The following CHST8 variants were observed in gnomAD, a reference collection of about 807,000 sequenced individuals.
CHST8 encodes the protein GALNAC-4-ST1.
Under a neutral mutation model 15.0 loss-of-function variants are expected in CHST8, and 10 were observed. That is an observed-to-expected ratio of 0.67 (90% confidence interval 0.41 to 1.13). The LOEUF (loss-of-function observed/expected upper bound fraction) is 1.13, where lower values mean the gene tolerates loss of function less well. CHST8 is among the 50% of genes most tolerant of loss of function. The probability of loss-of-function intolerance (pLI) is 0.00; values close to 1 mark genes in which losing one functional copy is unlikely to be tolerated. For missense variants in CHST8, 634 were observed against 608.2 expected (o/e 1.04, Z -0.45); for synonymous variants, 259 against 256.6 (o/e 1.01, Z -0.09).
chr19:33,734,756 A>C (rs1416786146), intron 3 of CHST8, among the ~76,000 whole-genome samples: 1 of 152,106 alleles, frequency 6.6e-6, no homozygotes, highest in East Asian at 1.9e-4. Flanking sequence ...GCCCACTCCC[A>C]CTGGGCCCAG....
chr19:33,645,153 G>C (rs1379744453), intron 1 of CHST8, among the ~76,000 whole-genome samples: 6 of 152,142 alleles, frequency 3.9e-5, no homozygotes, highest in African/African-American at 1.4e-4. Flanking sequence ...GTGAAGATGA[G>C]TGTGGGCAGA....
At position 33,689,192 on chromosome 19, in the gene CHST8, C is replaced by T. The variant is rs148849357; in HGVS notation, c.-70C>T. 860 of 1,457,252 alleles carry T rather than the reference C, an allele frequency of 5.9e-4. 1 individual carries two copies. The highest frequency in any genetic ancestry group is 2.8e-3 in the African/African-American group (190 of 69,020). The allele number at this position is 1,457,252 out of a possible 1,614,324, so 90.3% of individuals were successfully genotyped here. On this transcript the variant is annotated 5_prime_UTR_variant, in exon 3 of 5. The change creates a new upstream start codon in the 5' untranslated region. Coordinates refer to ENST00000650847, the MANE Select transcript of CHST8 (RefSeq NM_001127895.2). ...GCCCCGTAGATCTCGGCCTGATGGA[C>T]GCCTGGTGTGGACGATGAGGGAAGA...
At chr19:33,667,186 C>T (rs1480428054) in intron 1 of CHST8, among the ~76,000 whole-genome samples, 3 of 152,182 alleles carry the variant, frequency 2.0e-5, no homozygotes, top group African/African-American at 7.2e-5. Context: ...TCCCCTTTGC[C>T]TGTGTGCTGG....
chr19:33,733,180 A>G (rs1974024009), intron 3 of CHST8, among the ~76,000 whole-genome samples: 1 of 151,738 alleles, frequency 6.6e-6, no homozygotes, highest in East Asian at 1.9e-4. Flanking sequence ...GGAAATTCCA[A>G]GGGTTTTTGA....
intron 3 of CHST8, among the ~76,000 whole-genome samples, chr19:33,710,152 A>G (rs970974491): frequency 6.6e-6 from 1 of 152,138 alleles, no homozygotes; most frequent in African/African-American, 2.4e-5. Context: ...AACAGTGTTC[A>G]TAGTATTCTC....
chr19:33,663,127 G>A (rs560698670), intron 1 of CHST8, among the ~76,000 whole-genome samples: 14 of 152,166 alleles, frequency 9.2e-5, no homozygotes, highest in South Asian at 8.3e-4. Context: ...GGAGCCTGCC[G>A]TCCATCCACT....
chr19:33,718,583 AT>A (rs750891040), intron 3 of CHST8, among the ~76,000 whole-genome samples: 1 of 152,104 alleles, frequency 6.6e-6, no homozygotes. Flanking sequence ...TCATGTTGCA[AT>A]CTGGCATCTG....
chr19:33,740,451 G>T (rs1974164224), intron 3 of CHST8, among the ~76,000 whole-genome samples: 1 of 152,238 alleles, frequency 6.6e-6, no homozygotes. Flanking sequence ...TGCAAGGAGG[G>T]ATCTGGGACA....
intron 3 of CHST8, among the ~76,000 whole-genome samples, chr19:33,736,859 C>T (rs1230138231): frequency 6.6e-6 from 1 of 152,086 alleles, no homozygotes; most frequent in African/African-American, 2.4e-5. Flanking sequence ...AGGAGTTCAG[C>T]AGGACTAGTT....
At chr19:33,751,656 A>G (rs1974423660) in intron 3 of CHST8, among the ~76,000 whole-genome samples, 1 of 152,206 alleles carries the variant, frequency 6.6e-6, no homozygotes, top group Non-Finnish European at 1.5e-5. Flanking sequence ...GAGAGTGGTT[A>G]CAGCAAGGAC....
At chr19:33,726,282 T>C (rs889716158) in intron 3 of CHST8, among the ~76,000 whole-genome samples, 4 of 152,194 alleles carry the variant, frequency 2.6e-5, no homozygotes, top group Admixed American at 2.6e-4. Context: ...GAGTATCAGC[T>C]GGTCACATTG....
intron 3 of CHST8, among the ~76,000 whole-genome samples, chr19:33,735,555 G>A (rs1410254820): frequency 6.6e-6 from 1 of 152,196 alleles, no homozygotes; most frequent in African/African-American, 2.4e-5. Flanking sequence ...GGCCAGTCAT[G>A]GTGGCTCACA....
rs561493726 is a variant in CHST8 at position 33,668,378 on chromosome 19, A to G, written c.-87+535A>G. Among the ~76,000 whole-genome samples the G allele has an allele frequency of 3.3e-5, 5 of 152,268 alleles. No individual in the cohort carries two copies. The South Asian group carries it at 8.3e-4, about 25-fold the overall frequency. On this transcript the variant is annotated intron_variant, in intron 2 of 4. Transcript: ENST00000650847. ...TCATCATGGAGCTGGGGGAACATAC[A>G]ACCTCCACCATATTGGATGTTGGGC...
At chr19:33,728,577 C>T (rs978392822) in intron 3 of CHST8, among the ~76,000 whole-genome samples, 1 of 152,230 alleles carries the variant, frequency 6.6e-6, no homozygotes, top group Non-Finnish European at 1.5e-5. Flanking sequence ...GAGAGAACCC[C>T]GCATGGCCTC....
intron 3 of CHST8, among the ~76,000 whole-genome samples, chr19:33,725,684 G>T: frequency 6.6e-6 from 1 of 152,236 alleles, no homozygotes; most frequent in East Asian, 1.9e-4. Context: ...TGGGGGTCTC[G>T]GCACAGAGGT....
chr19:33,647,382 G>C (rs1972367848), intron 1 of CHST8, among the ~76,000 whole-genome samples: 1 of 152,184 alleles, frequency 6.6e-6, no homozygotes, highest in Non-Finnish European at 1.5e-5. Flanking sequence ...CAGGCCAGGT[G>C]GGTGAGGACC....
chr19:33,726,441 A>C (rs564561402), intron 3 of CHST8, among the ~76,000 whole-genome samples: 1 of 152,300 alleles, frequency 6.6e-6, no homozygotes, highest in African/African-American at 2.4e-5. Flanking sequence ...CTGTAGTCCC[A>C]GCTACTCAGG....
In CHST8 at chr19:33,772,506, G is replaced by C; in HGVS notation, c.718G>C (p.Asp240His). ...CGCTCTCAAGCGCCTGGACACCTTC[G>C]ACCGCCAGGGTATCTTGCACCGTCT... ...GSALKRLDTF[D>H]RQGILHRLST... is the part of the protein sequence containing the mutation. The change falls in exon 5 of 5, where the codon GAC becomes CAC. Residue 240 changes from aspartate (D) to histidine (H), a missense_variant. Physicochemically the swap from Asp to His is moderately conservative, Grantham distance 81. Transcript: ENST00000650847. 1.9e-6 allele frequency: 3 copies of C among 1,613,798 alleles called. No individual in the cohort carries two copies. The highest frequency in any genetic ancestry group is 2.5e-6 in the Non-Finnish European group (3 of 1,179,986).
chr19:33,689,556 A>T (rs918594003), intron 3 of CHST8, among the ~76,000 whole-genome samples, 165 bp downstream of exon 3: 1 of 152,180 alleles, frequency 6.6e-6, no homozygotes, highest in Non-Finnish European at 1.5e-5. Flanking sequence ...CGTTAGTCTC[A>T]ATGTGGGAGT....
Sources: allele counts gnomAD v4.1 joint callset (sites outside exome capture counted in the v4.1 genomes callset), GRCh38; gene constraint gnomAD v4.1.1; transcripts MANE v1.5; gene names NCBI Gene and HGNC (gene_info 2026-07-23, HGNC 2026-07-21).